Variants in HS3ST3B1 observed in about 807,000 individuals in gnomAD.
The protein encoded by HS3ST3B1 is heparan sulfate-glucosamine 3-sulfotransferase 3B1, also known as heparan sulfate glucosamine 3-O-sulfotransferase 3B1.
A neutral mutation model predicts 21.3 loss-of-function variants in HS3ST3B1; 13 were observed. The observed-to-expected ratio is 0.61, with a 90% confidence interval of 0.40 to 0.97. The LOEUF (loss-of-function observed/expected upper bound fraction) is 0.97, where lower values mean the gene tolerates loss of function less well. Among genes scored for constraint, HS3ST3B1 ranks in the 50% least tolerant of loss-of-function variants. The probability of loss-of-function intolerance (pLI) is 0.00; values close to 1 mark genes in which losing one functional copy is unlikely to be tolerated. For synonymous variants in HS3ST3B1, 234 were observed against 254.8 expected (o/e 0.92, Z 0.78); for missense variants, 459 against 554.8 (o/e 0.83, Z 1.73).
chr17:14,338,273 G>C (rs781628434), intron 1 of HS3ST3B1, among the ~76,000 whole-genome samples: 1 of 151,304 alleles, frequency 6.6e-6, no homozygotes, highest in Non-Finnish European at 1.5e-5. Flanking sequence ...CTACAGGTGC[G>C]TGCCGCCACG....
chr17:14,302,116 A>G (rs1908956083), intron 1 of HS3ST3B1, 44 bp downstream of exon 1: 4 of 1,542,970 alleles, frequency 2.6e-6, no homozygotes, highest in Non-Finnish European at 2.6e-6. Flanking sequence ...GTCGATTCAG[A>G]CCCTGAGCTA....
At position 14,345,502 on chromosome 17, in the gene HS3ST3B1, C is replaced by T; in HGVS notation, c.1029C>T (p.Ser343=). 1 of 1,584,120 alleles carries T rather than the reference C, an allele frequency of 6.3e-7. No individual in the cohort carries two copies. Among genetic ancestry groups the T allele is most frequent in the Non-Finnish European group, 8.6e-7 (1 of 1,156,616 alleles). ...CCTGCCTGAAGAAGGCGGAGGGCAG[C>T]AGCCGGCCCCATTGCCTGGGCAAGA... ...GFPCLKKAEG[S]SRPHCLGKTK... Residue 343 remains serine, a synonymous_variant, in exon 2 of 2, where the codon AGC becomes AGT. Transcript: ENST00000360954.
intron 1 of HS3ST3B1, among the ~76,000 whole-genome samples, chr17:14,338,988 C>T (rs1163083308): frequency 6.6e-6 from 1 of 152,180 alleles, no homozygotes; most frequent in Non-Finnish European, 1.5e-5. Context: ...GGCACACATA[C>T]CTGGTTAGTA....
chr17:14,317,591 T>G (rs1197514604), intron 1 of HS3ST3B1, among the ~76,000 whole-genome samples: 5 of 152,060 alleles, frequency 3.3e-5, no homozygotes, highest in Admixed American at 3.3e-4. Flanking sequence ...TCCTGGAAAC[T>G]GATCAGAATA....
At chr17:14,334,504 G>A (rs1910131211) in intron 1 of HS3ST3B1, among the ~76,000 whole-genome samples, 1 of 152,068 alleles carries the variant, frequency 6.6e-6, no homozygotes, top group African/African-American at 2.4e-5. Flanking sequence ...AGGCGTGCCA[G>A]CACACCAGGC....
intron 1 of HS3ST3B1, among the ~76,000 whole-genome samples, chr17:14,313,382 G>A (rs1297585905): frequency 6.6e-6 from 1 of 151,720 alleles, no homozygotes; most frequent in African/African-American, 2.4e-5. Context: ...CCCCTTACCT[G>A]TGCCAAGATG....
intron 1 of HS3ST3B1, among the ~76,000 whole-genome samples, chr17:14,335,626 G>A (rs1036424002): frequency 1.3e-5 from 2 of 151,958 alleles, no homozygotes; most frequent in African/African-American, 2.4e-5. Context: ...CCGAGGAGGC[G>A]GAGGTTGCAG....
At chr17:14,320,674 G>C (rs1909632195) in intron 1 of HS3ST3B1, among the ~76,000 whole-genome samples, 1 of 152,190 alleles carries the variant, frequency 6.6e-6, no homozygotes, top group Non-Finnish European at 1.5e-5. Flanking sequence ...GCCAGTGCTG[G>C]AGATCCTCTC....
intron 1 of HS3ST3B1, among the ~76,000 whole-genome samples, chr17:14,324,227 C>T (rs1232463428): frequency 6.6e-6 from 1 of 152,116 alleles, no homozygotes. Context: ...CACCTAAATT[C>T]TTCCTCACCC....
chr17:14,331,887 G>A (rs1910025212), intron 1 of HS3ST3B1, among the ~76,000 whole-genome samples: 2 of 152,244 alleles, frequency 1.3e-5, no homozygotes, highest in Admixed American at 1.3e-4. Context: ...AAAGGAAGGA[G>A]GTTCCAGATA....
At chr17:14,336,531 T>C (rs1453824219) in intron 1 of HS3ST3B1, among the ~76,000 whole-genome samples, 1 of 152,120 alleles carries the variant, frequency 6.6e-6, no homozygotes, top group Non-Finnish European at 1.5e-5. Context: ...AGAGTGGGGA[T>C]GTTCAGTGGT....
rs1199097988 is a variant in HS3ST3B1, at chr17:14,346,966, T to C, written c.*1320T>C. On this transcript the variant is annotated 3_prime_UTR_variant, in exon 2 of 2. Transcript: ENST00000360954. ...TTGGGCAGCAGGCTCACAGCCTCAA[T>C]AGGGAGAAAAGACAAAGGCCTCAAA... 6.6e-6 allele frequency: 1 copy of C among 152,024 alleles called. No individual in the cohort carries two copies. Among genetic ancestry groups the C allele is most frequent in the South Asian group, 2.1e-4 (1 of 4,824 alleles). The allele number at this position is 152,024 out of a possible 1,614,324, so 9.4% of individuals were successfully genotyped here.
intron 1 of HS3ST3B1, among the ~76,000 whole-genome samples, chr17:14,310,202 G>C (rs887785227): frequency 2.0e-5 from 3 of 152,170 alleles, no homozygotes; most frequent in African/African-American, 7.2e-5. Context: ...AGCTCCTTCC[G>C]ATCCCTGAAT....
At chr17:14,317,538 C>T (rs1462902740) in intron 1 of HS3ST3B1, among the ~76,000 whole-genome samples, 1 of 152,166 alleles carries the variant, frequency 6.6e-6, no homozygotes, top group African/African-American at 2.4e-5. Flanking sequence ...AGACACCATC[C>T]AGCTGGGCAC....
At chr17:14,325,793 T>A (rs1378678400) in intron 1 of HS3ST3B1, among the ~76,000 whole-genome samples, 1 of 152,248 alleles carries the variant, frequency 6.6e-6, no homozygotes, top group Admixed American at 6.5e-5. Context: ...CCCTGACGCC[T>A]AACAAAAGAT....
intron 1 of HS3ST3B1, among the ~76,000 whole-genome samples, chr17:14,337,347 A>C (rs1392450826): frequency 4.5e-5 from 5 of 109,992 alleles, no homozygotes; most frequent in Admixed American, 8.5e-5. Flanking sequence ...TTTTTTTTTG[A>C]GATGGAGTCT....
rs1180734995 is a variant in HS3ST3B1, at chr17:14,345,095, C to T, written c.622C>T (p.Arg208Trp). The change falls in exon 2 of 2, where the codon CGG becomes TGG. Residue 208 changes from arginine to tryptophan, a missense_variant. Coordinates refer to ENST00000360954, the MANE Select transcript of HS3ST3B1 (RefSeq NM_006041.3). ...GAAGACGCCCAGTTACTTCGTCACG[C>T]GGGAGGCCCCTGCGCGCATCTCGGC... Reference protein sequence around the residue: ...MEKTPSYFVTREAPARISAMS... With the variant: ...MEKTPSYFVTWEAPARISAMS... 6 of 1,571,970 alleles carry T rather than the reference C, an allele frequency of 3.8e-6. No individual in the cohort carries two copies. The highest frequency in any genetic ancestry group is 2.4e-5 in the South Asian group (2 of 83,680).
At chr17:14,333,467 C>CAA (rs951066194) in intron 1 of HS3ST3B1, among the ~76,000 whole-genome samples, 1 of 128,946 alleles carries the variant, frequency 7.8e-6, no homozygotes, top group Non-Finnish European at 1.7e-5. Context: ...GACTCCGACT[C>CAA]AAAAAAAAAA....
intron 1 of HS3ST3B1, among the ~76,000 whole-genome samples, chr17:14,310,686 A>C (rs997838478): frequency 2.0e-5 from 3 of 152,294 alleles, no homozygotes; most frequent in Non-Finnish European, 4.4e-5. Context: ...CTAGCTAAGC[A>C]GCCTCTCCCT....
Sources: gnomAD v4.1 joint callset for allele counts (sites outside exome capture counted in the v4.1 genomes callset) on GRCh38, gnomAD v4.1.1 for gene constraint, MANE v1.5 for transcripts, NCBI Gene and HGNC (gene_info 2026-07-23, HGNC 2026-07-21) for gene names.